The following TULP4 variants were observed in gnomAD, a reference collection of about 807,000 sequenced individuals.
TULP4 encodes the protein TUB like protein 4.
A neutral mutation model predicts 129.0 loss-of-function variants in TULP4; 16 were observed. The ratio of observed to expected loss-of-function variants is 0.12; its 90% CI spans 0.08 to 0.19. The LOEUF (loss-of-function observed/expected upper bound fraction) is 0.19, where lower values mean the gene tolerates loss of function less well. Among genes scored for constraint, TULP4 ranks in the 10% least tolerant of loss-of-function variants. The pLI is 1.00. For missense variants in TULP4, 1,842 were observed against 2,059.1 expected, an observed-to-expected ratio of 0.89 and a Z score of 2.04; for synonymous variants, 998 against 854.0, an observed-to-expected ratio of 1.17 and a Z score of -2.94.
chr6:158,385,840 A>ATTTTTTTTTTTTTTTTTTTTTTT (rs1397821107), intron 1 of TULP4, among the ~76,000 whole-genome samples: 1 of 34,020 alleles, frequency 2.9e-5, no homozygotes, highest in Admixed American at 2.4e-4. Context: ...AATGTGGAAT[A>ATTTTTTTTTTTTTTTTTTTTTTT]TCTTTTTTTT....
At chr6:158,248,761 AGT>A (rs1778081224) in intron 1 of TULP4, among the ~76,000 whole-genome samples, 1 of 151,946 alleles carries the variant, frequency 6.6e-6, no homozygotes, top group Non-Finnish European at 1.5e-5. Flanking sequence ...TAAATAAGTA[AGT>A]AAGTAAATAA....
chr6:158,464,820 A>T lies in TULP4; in HGVS notation c.1026+3091A>T, dbSNP rs74934023. Among the ~76,000 whole-genome samples the T allele has an allele frequency of 2.1e-3, 321 of 152,364 alleles. 1 individual carries two copies. Among genetic ancestry groups the T allele is most frequent in the African/African-American group, 7.1e-3 (295 of 41,590 alleles). ...CTCTTGGTTAAATGTCTCCTGAATC[A>T]GGAAAAGACCTAGAAAAGGAAGGAG... is the stretch of plus-strand genomic sequence containing the variant. On this transcript the variant is annotated intron_variant, in intron 6 of 13. Coordinates refer to ENST00000367097, the MANE Select transcript of TULP4 (RefSeq NM_020245.5).
intron 1 of TULP4, among the ~76,000 whole-genome samples, chr6:158,343,788 T>A (rs902325440): frequency 7.2e-5 from 11 of 152,204 alleles, no homozygotes; most frequent in Non-Finnish European, 1.6e-4. Context: ...AAAATACTTT[T>A]AAAAAATCTA....
chr6:158,323,711 G>C (rs999763895), intron 1 of TULP4, among the ~76,000 whole-genome samples: 1 of 152,188 alleles, frequency 6.6e-6, no homozygotes, highest in Middle Eastern at 3.2e-3. Context: ...CTACATCATG[G>C]TTGAATGTTT....
chr6:158,396,399 T>C (rs1417097293), intron 1 of TULP4, among the ~76,000 whole-genome samples: 2 of 152,208 alleles, frequency 1.3e-5, no homozygotes, highest in African/African-American at 4.8e-5. Context: ...ACCGTGCGTG[T>C]TTTCTTTGAG....
At chr6:158,241,954 G>A (rs964988192) in intron 1 of TULP4, 27 of 868,568 alleles carry the variant, frequency 3.1e-5, no homozygotes, top group Non-Finnish European at 2.4e-5. Context: ...TACTCTTTCC[G>A]CATTGGTTAA....
At chr6:158,421,495 G>C (rs1778340053) in intron 2 of TULP4, among the ~76,000 whole-genome samples, 1 of 152,214 alleles carries the variant, frequency 6.6e-6, no homozygotes, top group East Asian at 1.9e-4. Context: ...GAAGACCCGG[G>C]ATTGATAGAA....
In TULP4 at chr6:158,271,873, G is replaced by A. The variant is rs138145598; in HGVS notation, n.68+39570G>A. On this transcript the variant is annotated intron_variant and non_coding_transcript_variant, in intron 1 of 1. Transcript: ENST00000620026. ...TTTGGGGGAAACATTGAAATGCTAC[G>A]TTTGAAAATCTGTAGAATTTGCTTC... Among the ~76,000 whole-genome samples, 983 of 152,306 alleles carry A rather than the reference G, an allele frequency of 6.5e-3. 5 individuals are homozygous for A. The highest frequency in any genetic ancestry group is 9.5e-3 in the Non-Finnish European group (646 of 68,032).
At chr6:158,273,077 G>C (rs1167419613) in intron 1 of TULP4, among the ~76,000 whole-genome samples, 2 of 152,198 alleles carry the variant, frequency 1.3e-5, no homozygotes, top group African/African-American at 4.8e-5. Flanking sequence ...TGAGTCCAAG[G>C]ACAGAGTTTT....
At chr6:158,349,096 G>A (rs1196074667) in intron 1 of TULP4, among the ~76,000 whole-genome samples, 13 of 136,168 alleles carry the variant, frequency 9.5e-5, no homozygotes, top group East Asian at 2.2e-4. Context: ...CTTCCCAGAT[G>A]GGGCAGCCGG....
Position 158,409,094 on chromosome 6 carries a change from T to C in TULP4, c.253-3971T>C, listed in dbSNP as rs146783210. Among the ~76,000 whole-genome samples the C allele has an allele frequency of 2.5e-3, 375 of 152,302 alleles. 1 individual carries two copies. The highest frequency in any genetic ancestry group is 0.01 in the Middle Eastern group (3 of 294). ...GGGCTCCTGACTCAGAAGATGAACG[T>C]CCTTGGGATGGGCAAAGTGATGCTT... On this transcript the variant is annotated intron_variant, in intron 1 of 13. Transcript: ENST00000367097.
rs565600747 is a variant in TULP4, at chr6:158,482,360, G to A, written c.1486+1071G>A. Among the ~76,000 whole-genome samples the A allele has an allele frequency of 1.6e-4, 24 of 152,220 alleles. No homozygotes were observed. In the South Asian group the frequency reaches 4.8e-3, roughly 30 times the overall value. ...GCCAGCCTTCATTTGTTCAGCATCGGCAGTGACACTCTACTACCCCTGCAA... is the reference window on the plus strand; with the variant it reads ...GCCAGCCTTCATTTGTTCAGCATCGACAGTGACACTCTACTACCCCTGCAA... On this transcript the variant is annotated intron_variant, in intron 8 of 13. Coordinates refer to ENST00000367097, the MANE Select transcript of TULP4 (RefSeq NM_020245.5).
chr6:158,422,761 A>C (rs1778376134), intron 2 of TULP4, among the ~76,000 whole-genome samples: 1 of 152,146 alleles, frequency 6.6e-6, no homozygotes, highest in Non-Finnish European at 1.5e-5. Flanking sequence ...GATTGGTTTG[A>C]CCAGGCATGT....
chr6:158,502,402 G>C lies in TULP4; in HGVS notation c.2739G>C (p.Thr913=), dbSNP rs9364968. 0.78 allele frequency: 1,251,838 copies of C among 1,613,346 alleles called. 487,790 individuals carry two copies. The highest frequency in any genetic ancestry group is 0.89 in the East Asian group (39,971 of 44,830). The stretch of plus-strand genomic sequence containing the variant: ...CCCGGATGCTGTGCTCCCAGAACAC[G>C]TACACCCTCCCCGGCCCGGGTAGCT... ...PRTRMLCSQN[T]YTLPGPGSSA... Residue 913 remains threonine (T), a synonymous_variant, in exon 13 of 14, where the codon ACG becomes ACC. Coordinates refer to ENST00000367097, the MANE Select transcript of TULP4 (RefSeq NM_020245.5).
At chr6:158,452,442 A>G (rs765430940) in intron 5 of TULP4, among the ~76,000 whole-genome samples, 174 bp downstream of exon 5, 4 of 152,206 alleles carry the variant, frequency 2.6e-5, no homozygotes, top group Non-Finnish European at 4.4e-5. Context: ...TGCTTATCTG[A>G]TAAGTCCATA....
intron 3 of TULP4, among the ~76,000 whole-genome samples, chr6:158,439,822 C>T (rs1778844979): frequency 6.8e-6 from 1 of 146,788 alleles, no homozygotes; most frequent in Admixed American, 7.0e-5. Flanking sequence ...TGCCATTCTC[C>T]TGCCTCAGCC....
At chr6:158,432,616 A>C (rs2115067912) in intron 3 of TULP4, among the ~76,000 whole-genome samples, 1 of 152,358 alleles carries the variant, frequency 6.6e-6, no homozygotes, top group East Asian at 1.9e-4. Context: ...TAATCCCAGC[A>C]CTTTGGGAGG....
At chr6:158,357,612 G>C (rs971518071) in intron 1 of TULP4, among the ~76,000 whole-genome samples, 1 of 152,156 alleles carries the variant, frequency 6.6e-6, no homozygotes, top group Admixed American at 6.5e-5. Flanking sequence ...CTATACCTTT[G>C]CTCTGATGTT....
intron 1 of TULP4, among the ~76,000 whole-genome samples, chr6:158,245,706 G>C (rs1778016695): frequency 6.6e-6 from 1 of 152,242 alleles, no homozygotes; most frequent in African/African-American, 2.4e-5. Flanking sequence ...TACCTTCCTT[G>C]CATGCAGCCA....
Sources: gnomAD v4.1 joint callset for allele counts (sites outside exome capture counted in the v4.1 genomes callset) on GRCh38, gnomAD v4.1.1 for gene constraint, MANE v1.5 for transcripts, NCBI Gene and HGNC (gene_info 2026-07-23, HGNC 2026-07-21) for gene names.